Variants in COL11A2 observed in about 807,000 individuals in gnomAD.
COL11A2 encodes the protein collagen alpha-2(XI) chain.
Under a neutral mutation model 273.4 loss-of-function variants are expected in COL11A2, and 116 were observed. That is an observed-to-expected ratio of 0.42 (90% CI 0.36 to 0.49). The LOEUF is 0.49. Ranked by LOEUF, COL11A2 falls within the 20% of genes least tolerant of loss-of-function variation. The pLI, the probability that COL11A2 is intolerant of heterozygous loss-of-function variation, is 0.00. For missense variants in COL11A2, 1,866 were observed against 2,309.0 expected, an observed-to-expected ratio of 0.81 and a Z score of 3.93; for synonymous variants, 782 against 864.2, an observed-to-expected ratio of 0.90 and a Z score of 1.67.
chr6:33,163,525 C>A lies in COL11A2; in HGVS notation c.*153G>T. 1 of 1,207,242 alleles carries A rather than the reference C, an allele frequency of 8.3e-7. No individual in the cohort carries two copies. The highest frequency in any genetic ancestry group is 1.2e-6 in the Non-Finnish European group (1 of 840,072). The allele number at this position is 1,207,242 out of a possible 1,614,324, so 74.8% of individuals were successfully genotyped here. On this transcript the variant is annotated 3_prime_UTR_variant, in exon 66 of 66. Coordinates refer to ENST00000341947, the MANE Select transcript of COL11A2 (RefSeq NM_080680.3). The surrounding 1 kb of genome is among the most constrained non-coding windows in gnomAD (Gnocchi z 4.1). ...GGGGTGTCCAGGCAACCACTTCACC[C>A]CTCCCCTGGCCTGCCCCGACTGAGG...
Position 33,189,076 on chromosome 6 carries a change from C to G in COL11A2, c.345G>C (p.Glu115Asp). 4 of 1,614,200 alleles carry G rather than the reference C, an allele frequency of 2.5e-6. No individual in the cohort carries two copies. The highest frequency in any genetic ancestry group is 3.4e-6 in the Non-Finnish European group (4 of 1,180,040). ...ACAGGAAGCGGACAGGTCGGCCCAG[C>G]TCCAGGCCCAGCTGTCGGACACCCT... is the stretch of plus-strand genomic sequence containing the variant. ...SAQGVRQLGL[E>D]LGRPVRFLYE... The change falls in exon 3 of 66, where the codon GAG becomes GAC. Residue 115 changes from glutamate (E) to aspartate (D), a missense_variant. Transcript: ENST00000341947. This position sits in a 1 kb window ranked among gnomAD's most constrained non-coding sequence, Gnocchi z 5.6.
chr6:33,179,368 C>T lies in COL11A2; in HGVS notation c.1503+63G>A, dbSNP rs1265934484. The T allele has an allele frequency of 1.3e-6, 2 of 1,570,260 alleles. No individual in the cohort carries two copies. Among genetic ancestry groups the T allele is most frequent in the Admixed American group, 1.9e-5 (1 of 52,152 alleles). ...GTGTTCCCCAAAAGAAGCCCCTTTC[C>T]AGAACTATCCACACCCCACACACAA... On this transcript the variant is annotated intron_variant, in intron 14 of 65. Coordinates refer to ENST00000341947, the MANE Select transcript of COL11A2 (RefSeq NM_080680.3). This position sits in a 1 kb window ranked among gnomAD's most constrained non-coding sequence, Gnocchi z 6.4.
intron 40 of COL11A2, 68 bp from the exon 41 acceptor site, chr6:33,172,171 G>A: frequency 1.9e-6 from 3 of 1,602,412 alleles, no homozygotes; most frequent in South Asian, 2.2e-5. Flanking sequence ...GGAGAGGGAA[G>A]ACAGGCTCCA....
In COL11A2 at chr6:33,172,641, G is replaced by T. The variant is rs764133843; in HGVS notation, c.2791-4C>A. The T allele has an allele frequency of 5.0e-6, 8 of 1,610,754 alleles. No individual in the cohort carries two copies. Among genetic ancestry groups the T allele is most frequent in the Non-Finnish European group, 5.9e-6 (7 of 1,179,138 alleles). ...GGCCGGTTTCTCCTGCTGCTCCCTA[G>T]ACAAAAGCAGAGAGAGTTCCTGCTC... On this transcript the variant is annotated splice_polypyrimidine_tract_variant and splice_region_variant and intron_variant, in intron 38 of 65. Coordinates refer to ENST00000341947, the MANE Select transcript of COL11A2 (RefSeq NM_080680.3).
chr6:33,179,637 C>T lies in COL11A2; in HGVS notation c.1446+82G>A. On this transcript the variant is annotated intron_variant, in intron 13 of 65. Coordinates refer to ENST00000341947, the MANE Select transcript of COL11A2 (RefSeq NM_080680.3). This position sits in a 1 kb window ranked among gnomAD's most constrained non-coding sequence, Gnocchi z 6.4. The stretch of plus-strand genomic sequence containing the variant: ...CTGTTAACCCCAAACCAACCCAGGC[C>T]TCCCCTGCCGCACACTCACTCCAGC... 1 of 1,546,906 alleles carries T rather than the reference C, an allele frequency of 6.5e-7. No individual in the cohort carries two copies. The highest frequency in any genetic ancestry group is 1.4e-5 in the African/African-American group (1 of 73,758).
chr6:33,171,652 C>T, intron 42 of COL11A2, 61 bp downstream of exon 42: 1 of 1,598,054 alleles, frequency 6.3e-7, no homozygotes, highest in Non-Finnish European at 8.6e-7. Context: ...TTGTCATAGC[C>T]CATCAACCCT....
At chr6:33,186,995 A>G (rs923080488) in intron 4 of COL11A2, among the ~76,000 whole-genome samples, 177 bp from the exon 5 acceptor site, 5 of 152,216 alleles carry the variant, frequency 3.3e-5, no homozygotes, top group Non-Finnish European at 7.3e-5. Flanking sequence ...TAGGACCTTC[A>G]TAACAACCAG....
In COL11A2 at chr6:33,178,812, G is replaced by A. The variant is rs1366354844; in HGVS notation, c.1666-80C>T. ...CTCCCTACTGCACCCTGAGCTGGGG[G>A]GGTGCTGATCCTGGGGAAGCCTGGA... is the stretch of plus-strand genomic sequence containing the variant. On this transcript the variant is annotated intron_variant, in intron 17 of 65. Coordinates refer to ENST00000341947, the MANE Select transcript of COL11A2 (RefSeq NM_080680.3). This position sits in a 1 kb window ranked among gnomAD's most constrained non-coding sequence, Gnocchi z 4.6. 1.2e-6 allele frequency: 2 copies of A among 1,606,452 alleles called. No homozygotes were observed. The highest frequency in any genetic ancestry group is 1.3e-5 in the African/African-American group (1 of 74,706).
rs1217724198 is a variant in COL11A2 at position 33,169,939 on chromosome 6, G to A, written c.3637-55C>T. On this transcript the variant is annotated intron_variant, in intron 49 of 65. Coordinates refer to ENST00000341947, the MANE Select transcript of COL11A2 (RefSeq NM_080680.3). The surrounding 1 kb of genome is among the most constrained non-coding windows in gnomAD (Gnocchi z 5.5). ...TCTCCTTCCCCAGCCAAAAAATTCT[G>A]ATATTCCCCACATCTCATTCTCTTT... 8.7e-6 allele frequency: 14 copies of A among 1,613,146 alleles called. No individual in the cohort carries two copies. In the East Asian group the frequency reaches 2.5e-4, roughly 28 times the overall value.
intron 11 of COL11A2, 93 bp from the exon 12 acceptor site, chr6:33,180,425 A>C (rs150603798): frequency 6.0e-6 from 7 of 1,175,576 alleles, no homozygotes; most frequent in Non-Finnish European, 8.7e-6. Context: ...CAACAGAATA[A>C]GTGTAGATTG....
chr6:33,181,996 C>T (rs148554910), intron 8 of COL11A2, among the ~76,000 whole-genome samples: 94 of 152,296 alleles, frequency 6.2e-4, no homozygotes, highest in African/African-American at 1.5e-3. Flanking sequence ...AAAGCTAGGC[C>T]GGGCGAGGTG....
At position 33,192,212 on chromosome 6, in the gene COL11A2, A is replaced by AGGC. The variant is rs1270100405; in HGVS notation, c.26_28dup (p.Arg9dup). 1.6e-5 allele frequency: 25 copies of AGGC among 1,565,388 alleles called. No homozygotes were observed. Among genetic ancestry groups the AGGC allele is most frequent in the Non-Finnish European group, 2.1e-5 (24 of 1,155,052 alleles). On this transcript the variant is annotated inframe_insertion, in exon 1 of 66. Coordinates refer to ENST00000341947, the MANE Select transcript of COL11A2 (RefSeq NM_080680.3). ...CAGCACCAGAGGTAGGAGGAGGAGG[A>AGGC]GGCGATGGCAGCGGCTGCACCGCTC...
upstream of COL11A2, chr6:33,193,492 T>TCGG (rs1348606944): frequency 2.2e-5 from 3 of 134,888 alleles, no homozygotes; most frequent in African/African-American, 8.3e-5. Context: ...CCACGGAACC[T>TCGG]CGGCGGCGGC....
rs1325571407 is a variant in COL11A2, at chr6:33,178,194, A to G, written c.1819-9T>C. On this transcript the variant is annotated splice_polypyrimidine_tract_variant and intron_variant, in intron 20 of 65. Coordinates refer to ENST00000341947, the MANE Select transcript of COL11A2 (RefSeq NM_080680.3). This position sits in a 1 kb window ranked among gnomAD's most constrained non-coding sequence, Gnocchi z 4.6. ...AGGAGACCTCGAGGTCCCTGCATTC[A>G]CGGTGAGGGGAGGAGACGGCATGAA... 1.2e-6 allele frequency: 2 copies of G among 1,611,400 alleles called. No individual in the cohort carries two copies. The highest frequency in any genetic ancestry group is 8.5e-7 in the Non-Finnish European group (1 of 1,178,878).
chr6:33,169,220 G>A lies in COL11A2; in HGVS notation c.3798+163C>T, dbSNP rs1163304766. Among the ~76,000 whole-genome samples the A allele has an allele frequency of 5.3e-5, 8 of 151,896 alleles. No individual in the cohort carries two copies. The highest frequency in any genetic ancestry group is 9.7e-5 in the African/African-American group (4 of 41,332). Reference sequence around the variant, plus strand: ...GCAGGGCATCTCTCACTTTCTCTCCGGATCCTAGACCCCAGGCATCCCTCT... The same window carrying A: ...GCAGGGCATCTCTCACTTTCTCTCCAGATCCTAGACCCCAGGCATCCCTCT... On this transcript the variant is annotated intron_variant, in intron 51 of 65. Coordinates refer to ENST00000341947, the MANE Select transcript of COL11A2 (RefSeq NM_080680.3). The surrounding 1 kb of genome is among the most constrained non-coding windows in gnomAD (Gnocchi z 5.5).
intron 38 of COL11A2, 108 bp from the exon 39 acceptor site, chr6:33,172,745 C>G (rs577309739): frequency 1.0e-6 from 1 of 992,208 alleles, no homozygotes; most frequent in Admixed American, 2.0e-5. Context: ...CCCTTTATCC[C>G]TGCCCCAAAG....
rs760351554 is a variant in COL11A2, at chr6:33,174,047, C to T, written c.2493G>A (p.Ser831=). The change falls in exon 33 of 66, where the codon TCG becomes TCA. Residue 831 remains serine (S), a synonymous_variant. Coordinates refer to ENST00000341947, the MANE Select transcript of COL11A2 (RefSeq NM_080680.3). ...GTTCTCCCCGAGGCCCTGACTTCCCCGACAGGCCCTGGTGGGAATGAAGCA... is the reference window on the plus strand; with the variant it reads ...GTTCTCCCCGAGGCCCTGACTTCCCTGACAGGCCCTGGTGGGAATGAAGCA... ...ASGEKGARGL[S]GKSGPRGERG... The T allele has an allele frequency of 9.9e-6, 16 of 1,613,792 alleles. No homozygotes were observed. The highest frequency in any genetic ancestry group is 4.0e-5 in the African/African-American group (3 of 74,874).
rs1768733320 is a variant in COL11A2, at chr6:33,164,157, G to A, written c.5070+110C>T. On this transcript the variant is annotated intron_variant, in intron 65 of 65. Transcript: ENST00000341947. This position sits in a 1 kb window ranked among gnomAD's most constrained non-coding sequence, Gnocchi z 4.7. ...TCAGGCATCCCTGACAATCCAGCAG[G>A]ACGGACTCCTCCCTGCTCCCCCTGG... 10 of 1,283,628 alleles carry A rather than the reference G, an allele frequency of 7.8e-6. No homozygotes were observed. The East Asian group carries it at 2.2e-4, about 29-fold the overall frequency. The allele number at this position is 1,283,628 out of a possible 1,614,324, so 79.5% of individuals were successfully genotyped here.
At chr6:33,193,255 G>T (rs889130887), upstream of COL11A2, among the ~76,000 whole-genome samples, 4 of 151,894 alleles carry the variant, frequency 2.6e-5, no homozygotes, top group Non-Finnish European at 4.4e-5. Flanking sequence ...CGGGCACGGC[G>T]CCGGGTCTGC....
Sources: gnomAD v4.1 joint callset for allele counts (sites outside exome capture counted in the v4.1 genomes callset) on GRCh38, gnomAD v4.1.1 for gene constraint, Gnocchi (gnomAD v3.1) non-coding constraint, MANE v1.5 for transcripts, NCBI Gene and HGNC (gene_info 2026-07-23, HGNC 2026-07-21) for gene names.